The following SEMA3A variants were observed in gnomAD, a reference collection of about 807,000 sequenced individuals.
The protein encoded by SEMA3A is semaphorin-3A.
A neutral mutation model predicts 97.9 loss-of-function variants in SEMA3A; 29 were observed. That is an observed-to-expected ratio of 0.30 (90% CI 0.22 to 0.40). SEMA3A has a LOEUF of 0.40. SEMA3A is among the 10% of genes least tolerant of loss of function. The pLI is 1.00. For missense variants in SEMA3A, 763 were observed against 951.3 expected (o/e 0.80, Z 2.60); for synonymous variants, 321 against 323.7 (o/e 0.99, Z 0.09).
At chr7:84,005,828 A>G (rs192649626) in intron 10 of SEMA3A, among the ~76,000 whole-genome samples, 82 of 152,214 alleles carry the variant, frequency 5.4e-4, no homozygotes, top group African/African-American at 1.7e-3. Flanking sequence ...GCATGCCTGT[A>G]GTCCCAGCTA....
chr7:84,320,194 T>C (rs925829793), intron 2 of SEMA3A, among the ~76,000 whole-genome samples: 2 of 152,180 alleles, frequency 1.3e-5, no homozygotes, highest in Admixed American at 6.5e-5. Context: ...ATGGTTAGTC[T>C]TAATAATACC....
chr7:84,399,057 A>G (rs1478364920), intron 1 of SEMA3A, among the ~76,000 whole-genome samples: 5 of 152,160 alleles, frequency 3.3e-5, no homozygotes, highest in African/African-American at 1.2e-4. Flanking sequence ...ACAGTCTTGA[A>G]CAGCCTATAC....
chr7:84,350,660 T>C (rs976226071), intron 2 of SEMA3A, among the ~76,000 whole-genome samples: 46 of 152,192 alleles, frequency 3.0e-4, no homozygotes, highest in African/African-American at 1.1e-3. Context: ...GTCTGCTATA[T>C]ACCACATTAA....
At chr7:83,987,229 A>C (rs950361271) in intron 12 of SEMA3A, among the ~76,000 whole-genome samples, 7 of 152,022 alleles carry the variant, frequency 4.6e-5, no homozygotes, top group Non-Finnish European at 8.8e-5. Context: ...TTGGGGCAAG[A>C]GTAAAAAATT....
chr7:84,301,567 C>T (rs1466947320), intron 3 of SEMA3A, among the ~76,000 whole-genome samples: 2 of 152,014 alleles, frequency 1.3e-5, no homozygotes, highest in Non-Finnish European at 2.9e-5. Context: ...AAGATTCATG[C>T]CATGAAGTTT....
At chr7:84,051,984 T>C (rs28834992) in intron 5 of SEMA3A, among the ~76,000 whole-genome samples, 10,355 of 150,976 alleles carry the variant, frequency 0.069, 1,191 homozygotes, top group African/African-American at 0.24. Flanking sequence ...GGTTTTTGTC[T>C]TTGGTTCTGT....
At chr7:84,110,683 T>G (rs1795253673) in intron 3 of SEMA3A, 94 bp from the exon 4 acceptor site, 52 of 1,415,532 alleles carry the variant, frequency 3.7e-5, no homozygotes, top group Non-Finnish European at 4.9e-5. Context: ...ATTTGTCTTT[T>G]GTTTTCTTTC....
intron 1 of SEMA3A, among the ~76,000 whole-genome samples, chr7:84,405,917 A>T (rs1804070969): frequency 6.6e-6 from 1 of 152,210 alleles, no homozygotes; most frequent in South Asian, 2.1e-4. Context: ...AGGGAAATTT[A>T]TAGCACTAAA....
intron 4 of SEMA3A, among the ~76,000 whole-genome samples, chr7:84,070,452 A>G (rs1793697213): frequency 6.6e-6 from 1 of 152,054 alleles, no homozygotes; most frequent in African/African-American, 2.4e-5. Context: ...TCCAAGTCAT[A>G]AATTTAGGTA....
chr7:84,386,469 C>T (rs1171610071), intron 1 of SEMA3A, among the ~76,000 whole-genome samples: 1 of 152,054 alleles, frequency 6.6e-6, no homozygotes, highest in Non-Finnish European at 1.5e-5. Context: ...ATGATGCTTC[C>T]TCCCACACTT....
intron 1 of SEMA3A, among the ~76,000 whole-genome samples, chr7:84,389,052 G>A (rs538590998): frequency 6.6e-6 from 1 of 152,052 alleles, no homozygotes; most frequent in Admixed American, 6.6e-5. Context: ...TTATGAGGGG[G>A]AAAATAAGTA....
chr7:84,029,910 T>C (rs1791680777), intron 6 of SEMA3A, among the ~76,000 whole-genome samples: 1 of 152,082 alleles, frequency 6.6e-6, no homozygotes, highest in Non-Finnish European at 1.5e-5. Context: ...CAGATGTTTT[T>C]AATGAGTTTC....
intron 2 of SEMA3A, among the ~76,000 whole-genome samples, chr7:84,335,883 T>A (rs935036998): frequency 6.6e-6 from 1 of 152,144 alleles, no homozygotes; most frequent in Non-Finnish European, 1.5e-5. Context: ...TATTAAATTA[T>A]TATTTCAGTG....
chr7:84,244,661 T>G (rs1799440226), intron 3 of SEMA3A, among the ~76,000 whole-genome samples: 1 of 152,208 alleles, frequency 6.6e-6, no homozygotes, highest in African/African-American at 2.4e-5. Context: ...GCCCATTAGT[T>G]GATGCAGTTC....
intron 1 of SEMA3A, among the ~76,000 whole-genome samples, chr7:84,379,142 T>G (rs1803190418): frequency 6.6e-6 from 1 of 152,114 alleles, no homozygotes; most frequent in Non-Finnish European, 1.5e-5. Context: ...TTAGCCAGGA[T>G]AGTCTCGATC....
intron 1 of SEMA3A, among the ~76,000 whole-genome samples, chr7:84,490,922 G>A (rs915210820): frequency 2.0e-5 from 3 of 152,008 alleles, no homozygotes; most frequent in Admixed American, 1.3e-4. Flanking sequence ...CCCTGTAGGG[G>A]GTAGACATTG....
rs564589899 is a variant in SEMA3A at position 84,063,652 on chromosome 7, T to G, written c.454-3094A>C. On this transcript the variant is annotated intron_variant, in intron 4 of 16. Coordinates refer to ENST00000265362, the MANE Select transcript of SEMA3A (RefSeq NM_006080.3). ...AGCCTCAGGAGACGATGCGATCAAC[T>G]GGAAGAAAGGGTATCAGCGATGGAA... Among the ~76,000 whole-genome samples the G allele has an allele frequency of 6.0e-3, 912 of 151,478 alleles. 7 individuals carry two copies. The highest frequency in any genetic ancestry group is 0.031 in the Middle Eastern group (9 of 292).
rs772522580 is a variant in SEMA3A, at chr7:83,961,654, TGAA to T, written c.2030_2032del (p.Leu677del). On this transcript the variant is annotated inframe_deletion, in exon 17 of 17. Transcript: ENST00000265362. ...AGAGCCATCTCCATCATCATCTTTA[TGAA>T]GAAGTTCTTCCAAATGCTCTGTGTC... 2.5e-6 allele frequency: 4 copies of T among 1,613,904 alleles called. No individual in the cohort carries two copies. In the East Asian group the frequency reaches 8.9e-5, roughly 36 times the overall value.
intron 12 of SEMA3A, among the ~76,000 whole-genome samples, chr7:83,997,156 T>C (rs1011647451): frequency 2.6e-5 from 4 of 152,198 alleles, no homozygotes; most frequent in African/African-American, 9.7e-5. Flanking sequence ...GATGATAATA[T>C]GGTAAAACTA....
Sources: gnomAD v4.1 joint callset for allele counts (sites outside exome capture counted in the v4.1 genomes callset) on GRCh38, gnomAD v4.1.1 for gene constraint, MANE v1.5 for transcripts, NCBI Gene and HGNC (gene_info 2026-07-23, HGNC 2026-07-21) for gene names.